Variants in SEMA3C observed in about 807,000 individuals in gnomAD.
The protein encoded by SEMA3C is semaphorin-3C.
Under a neutral mutation model 89.4 loss-of-function variants are expected in SEMA3C, and 47 were observed. The observed-to-expected ratio is 0.53, with a 90% CI of 0.42 to 0.67. SEMA3C has a LOEUF of 0.67. Ranked by LOEUF, SEMA3C falls within the 30% of genes least tolerant of loss-of-function variation. SEMA3C has a pLI of 0.00. For missense variants in SEMA3C, 839 were observed against 929.1 expected (o/e 0.90, Z 1.26); for synonymous variants, 310 against 320.2 (o/e 0.97, Z 0.34).
intron 11 of SEMA3C, among the ~76,000 whole-genome samples, chr7:80,789,861 C>T (rs1788894545): frequency 6.6e-6 from 1 of 152,146 alleles, no homozygotes; most frequent in African/African-American, 2.4e-5. Context: ...GTTCAGAAAA[C>T]AAAAACTAGT....
intron 11 of SEMA3C, among the ~76,000 whole-genome samples, chr7:80,790,478 C>G (rs189077215): frequency 6.6e-6 from 1 of 152,264 alleles, no homozygotes; most frequent in East Asian, 1.9e-4. Context: ...ATACCAACAC[C>G]TTAGAATGGC....
At chr7:80,786,504 A>G (rs535186464) in intron 12 of SEMA3C, among the ~76,000 whole-genome samples, 24 of 152,292 alleles carry the variant, frequency 1.6e-4, no homozygotes, top group Non-Finnish European at 2.8e-4. Context: ...GTAATATGAG[A>G]CACTGTGGAG....
At chr7:80,850,540 A>C (rs529989370) in intron 2 of SEMA3C, among the ~76,000 whole-genome samples, 37 of 152,316 alleles carry the variant, frequency 2.4e-4, no homozygotes, top group African/African-American at 7.7e-4. Context: ...CATTTACATA[A>C]AGTTCAAAAA....
intron 2 of SEMA3C, among the ~76,000 whole-genome samples, chr7:80,866,123 T>G (rs1264613104): frequency 6.6e-6 from 1 of 152,182 alleles, no homozygotes; most frequent in Non-Finnish European, 1.5e-5. Flanking sequence ...CAACAGTGTT[T>G]TCAGATATGT....
intron 15 of SEMA3C, among the ~76,000 whole-genome samples, chr7:80,754,070 T>G (rs750426952): frequency 2.6e-5 from 4 of 152,154 alleles, no homozygotes; most frequent in Non-Finnish European, 4.4e-5. Flanking sequence ...CCTGAGTAGT[T>G]GGGATTACAG....
intron 12 of SEMA3C, among the ~76,000 whole-genome samples, chr7:80,776,120 A>G (rs1367009388): frequency 6.6e-6 from 1 of 152,116 alleles, no homozygotes; most frequent in Non-Finnish European, 1.5e-5. Context: ...ACTAATTTGC[A>G]TTGTTCCCTC....
chr7:80,765,639 T>C (rs970367260), intron 12 of SEMA3C, among the ~76,000 whole-genome samples: 11 of 152,244 alleles, frequency 7.2e-5, no homozygotes, highest in African/African-American at 2.6e-4. Context: ...TGCAGTGGCG[T>C]GATCTTGGGT....
At chr7:80,814,716 T>C (rs1398978737) in intron 5 of SEMA3C, among the ~76,000 whole-genome samples, 5 of 152,146 alleles carry the variant, frequency 3.3e-5, no homozygotes, top group Admixed American at 1.3e-4. Context: ...TCATGGCAAC[T>C]ACACAATTAA....
In SEMA3C at chr7:80,763,490, G is replaced by A. The variant is rs370648816; in HGVS notation, c.1443+1665C>T. 2.2e-4 allele frequency among the ~76,000 whole-genome samples: 34 copies of A among 152,146 alleles called. No individual in the cohort carries two copies. The East Asian group carries it at 4.1e-3, about 18-fold the overall frequency. On this transcript the variant is annotated intron_variant, in intron 13 of 17. Coordinates refer to ENST00000265361, the MANE Select transcript of SEMA3C (RefSeq NM_006379.5). Reference sequence around the variant, plus strand: ...TGTCTCATGGGCTGATGTCCCCCACGTGCATTCTGACTGACTCTGTTTTTC... The same window carrying A: ...TGTCTCATGGGCTGATGTCCCCCACATGCATTCTGACTGACTCTGTTTTTC...
At chr7:80,750,743 G>C (rs1787915601) in intron 16 of SEMA3C, among the ~76,000 whole-genome samples, 2 of 151,838 alleles carry the variant, frequency 1.3e-5, no homozygotes, top group Non-Finnish European at 2.9e-5. Context: ...CTGGAGGGAA[G>C]AGGTAATGGT....
intron 16 of SEMA3C, among the ~76,000 whole-genome samples, chr7:80,749,270 G>T (rs1472523962): frequency 1.3e-5 from 2 of 152,124 alleles, no homozygotes; most frequent in Non-Finnish European, 2.9e-5. Flanking sequence ...AGAAAATCAT[G>T]TTTATTCAAG....
At position 80,910,654 on chromosome 7, in the gene SEMA3C, C is replaced by CTTTT. The variant is rs777385675; in HGVS notation, c.103+6021_103+6024dup. Among the ~76,000 whole-genome samples the CTTTT allele has an allele frequency of 1.5e-3, 195 of 131,056 alleles. 1 individual carries two copies. The highest frequency in any genetic ancestry group is 4.3e-3 in the African/African-American group (155 of 36,422). The allele number at this position is 131,056 out of a possible 152,430, so 86.0% of individuals were successfully genotyped here. On this transcript the variant is annotated intron_variant, in intron 2 of 17. Transcript: ENST00000265361. ...ACAGCTCTATTTCCCAATGCTCGTTCTTTTTTTTTTTTTTTTTAACAGTAA... is the reference window on the plus strand; with the variant it reads ...ACAGCTCTATTTCCCAATGCTCGTTCTTTTTTTTTTTTTTTTTTTTTAACAGTAA...
Position 80,805,667 on chromosome 7 carries a change from AGTTC to A in SEMA3C, c.626_629del (p.Arg209MetfsTer9). The A allele has an allele frequency of 1.2e-6, 2 of 1,604,942 alleles. No homozygotes were observed. Among genetic ancestry groups the A allele is most frequent in the Non-Finnish European group, 1.7e-6 (2 of 1,175,180 alleles). On this transcript the variant is annotated frameshift_variant, in exon 7 of 18. Coordinates refer to ENST00000265361, the MANE Select transcript of SEMA3C (RefSeq NM_006379.5). LOFTEE classifies it high-confidence loss of function. The stretch of plus-strand genomic sequence containing the variant: ...TTAGCCATTTGGAATTATGTTGATC[AGTTC>A]TGACCGCATTCCTCTTGGTTAAACT...
chr7:80,898,733 C>T (rs1389054566), intron 2 of SEMA3C, among the ~76,000 whole-genome samples: 1 of 149,764 alleles, frequency 6.7e-6, no homozygotes, highest in Non-Finnish European at 1.5e-5. Flanking sequence ...ACTGAAATTA[C>T]AGAATAATTT....
chr7:80,918,053 T>C (rs551120155), intron 1 of SEMA3C, among the ~76,000 whole-genome samples: 46 of 152,288 alleles, frequency 3.0e-4, no homozygotes, highest in African/African-American at 1.1e-3. Flanking sequence ...CTAGAGATGT[T>C]TGTGTTGGTA....
At chr7:80,747,866 T>G (rs1476514766) in intron 17 of SEMA3C, among the ~76,000 whole-genome samples, 9 of 152,112 alleles carry the variant, frequency 5.9e-5, no homozygotes, top group Admixed American at 5.9e-4. Flanking sequence ...ATTCCAGTAA[T>G]GAGGGACACA....
At chr7:80,903,149 G>T (rs1425328893) in intron 2 of SEMA3C, among the ~76,000 whole-genome samples, 1 of 152,044 alleles carries the variant, frequency 6.6e-6, no homozygotes, top group Non-Finnish European at 1.5e-5. Context: ...GAGTCATTAG[G>T]CAATTTTGTC....
chr7:80,922,243 A>C (rs1318503805), upstream of SEMA3C: 1 of 1,287,312 alleles, frequency 7.8e-7, no homozygotes, highest in African/African-American at 1.5e-5. Flanking sequence ...GTTTTTCAAT[A>C]AGTTTCAATA....
intron 15 of SEMA3C, among the ~76,000 whole-genome samples, chr7:80,754,966 T>TTGTTTTTTTTGTTTTTTG (rs1554359516): frequency 7.2e-6 from 1 of 139,038 alleles, no homozygotes; most frequent in Non-Finnish European, 1.6e-5. Flanking sequence ...TGTTTTTTTT[T>TTGTTTTTTTTGTTTTTTG]TTTTTGTATT....
Sources: gnomAD v4.1 joint callset for allele counts (sites outside exome capture counted in the v4.1 genomes callset) on GRCh38, gnomAD v4.1.1 for gene constraint, MANE v1.5 for transcripts, NCBI Gene and HGNC (gene_info 2026-07-23, HGNC 2026-07-21) for gene names.